The following PPP2R2B variants were observed in gnomAD, a reference collection of about 807,000 sequenced individuals.
PPP2R2B encodes the protein serine/threonine-protein phosphatase 2A 55 kDa regulatory subunit B beta isoform.
Under a neutral mutation model 46.0 loss-of-function variants are expected in PPP2R2B, and 5 were observed. The ratio of observed to expected loss-of-function variants is 0.11; its 90% confidence interval spans 0.06 to 0.23. The LOEUF (loss-of-function observed/expected upper bound fraction) is 0.23. Among genes scored for constraint, PPP2R2B ranks in the 10% least tolerant of loss-of-function variants. The pLI, the probability that PPP2R2B is intolerant of heterozygous loss-of-function variation, is 1.00. For missense variants in PPP2R2B, 367 were observed against 575.0 expected, an observed-to-expected ratio of 0.64 and a Z score of 3.70; for synonymous variants, 215 against 206.7, an observed-to-expected ratio of 1.04 and a Z score of -0.34.
intron 2 of PPP2R2B, among the ~76,000 whole-genome samples, chr5:146,854,677 C>A (rs543695028): frequency 6.6e-6 from 1 of 152,284 alleles, no homozygotes; most frequent in East Asian, 1.9e-4. Flanking sequence ...AACACAAGCA[C>A]GTGTGTATAG....
At chr5:146,743,459 A>G (rs986208008) in intron 2 of PPP2R2B, among the ~76,000 whole-genome samples, 1 of 152,222 alleles carries the variant, frequency 6.6e-6, no homozygotes, top group African/African-American at 2.4e-5. Flanking sequence ...CAAAAGAAGG[A>G]AAAGGTGAGG....
At chr5:146,714,960 T>C (rs1344034064) in intron 2 of PPP2R2B, among the ~76,000 whole-genome samples, 2 of 152,166 alleles carry the variant, frequency 1.3e-5, no homozygotes, top group African/African-American at 4.8e-5. Flanking sequence ...ACTATCTGCC[T>C]ACCAGGCAGA....
chr5:146,678,752 G>C lies in PPP2R2B; in HGVS notation c.447+12376C>G, dbSNP rs1197005287. On this transcript the variant is annotated intron_variant, in intron 5 of 9. Coordinates refer to ENST00000394411, the MANE Select transcript of PPP2R2B (RefSeq NM_181675.4). Reference sequence around the variant, plus strand: ...CAAGCATTCTTATACACCAACAACAGACAAACAGAGAGCCAAATCATGAGT... The same window carrying C: ...CAAGCATTCTTATACACCAACAACACACAAACAGAGAGCCAAATCATGAGT... 4.8e-5 allele frequency among the ~76,000 whole-genome samples: 7 copies of C among 144,612 alleles called. 1 individual carries two copies. In the South Asian group the frequency reaches 6.7e-4, roughly 14 times the overall value. 94.9% of individuals were successfully genotyped at this position (144,612 alleles called of 152,430 possible).
intron 1 of PPP2R2B, among the ~76,000 whole-genome samples, chr5:146,890,297 C>T (rs1762456042): frequency 6.6e-6 from 1 of 152,194 alleles, no homozygotes; most frequent in Admixed American, 6.5e-5. Flanking sequence ...GCAGGAGGAG[C>T]TGTATCAGTC....
chr5:147,041,231 G>A (rs1756279259), intron 1 of PPP2R2B, among the ~76,000 whole-genome samples: 1 of 152,156 alleles, frequency 6.6e-6, no homozygotes, highest in Admixed American at 6.5e-5. Context: ...AACTCTGGCT[G>A]TCTGACTCGA....
At chr5:146,641,265 A>C (rs1229258828) in intron 6 of PPP2R2B, among the ~76,000 whole-genome samples, 1 of 152,122 alleles carries the variant, frequency 6.6e-6, no homozygotes. Flanking sequence ...CTGGGATTTG[A>C]ACCCAAGCTT....
chr5:146,809,967 A>G (rs1757424827), intron 2 of PPP2R2B, among the ~76,000 whole-genome samples: 1 of 152,098 alleles, frequency 6.6e-6, no homozygotes, highest in African/African-American at 2.4e-5. Flanking sequence ...ACAAAAAAGG[A>G]CTTGCTAGCC....
chr5:146,712,628 TG>T lies in PPP2R2B; in HGVS notation c.71-11487del, dbSNP rs1436743550. On this transcript the variant is annotated intron_variant, in intron 2 of 9. Coordinates refer to ENST00000394411, the MANE Select transcript of PPP2R2B (RefSeq NM_181675.4). The stretch of plus-strand genomic sequence containing the variant: ...ATGTTAATAGGACATAAGGGTGATC[TG>T]GTTGCAACATCTGTCACCCCACTGA... Among the ~76,000 whole-genome samples, 3 of 152,330 alleles carry T rather than the reference TG, an allele frequency of 2.0e-5. No homozygotes were observed. In the East Asian group the frequency reaches 5.8e-4, roughly 29 times the overall value.
At chr5:147,041,383 A>G (rs1197848549) in intron 1 of PPP2R2B, among the ~76,000 whole-genome samples, 2 of 152,174 alleles carry the variant, frequency 1.3e-5, no homozygotes, top group African/African-American at 2.4e-5. Flanking sequence ...CCCTTCCTTC[A>G]GCATTCTGCA....
intron 1 of PPP2R2B, among the ~76,000 whole-genome samples, chr5:146,954,890 A>G (rs1023853943): frequency 1.3e-5 from 2 of 152,080 alleles, no homozygotes; most frequent in Admixed American, 6.6e-5. Context: ...AACCAGGTAC[A>G]ATCCCATAGT....
At chr5:146,688,662 T>G (rs758950669) in intron 5 of PPP2R2B, among the ~76,000 whole-genome samples, 2 of 152,094 alleles carry the variant, frequency 1.3e-5, no homozygotes, top group Non-Finnish European at 2.9e-5. Context: ...ATCACTGGCT[T>G]GGCATGGGGA....
At chr5:146,908,551 T>C (rs989958553) in intron 1 of PPP2R2B, among the ~76,000 whole-genome samples, 1 of 142,176 alleles carries the variant, frequency 7.0e-6, no homozygotes, top group African/African-American at 2.6e-5. Flanking sequence ...GGCATAGGGG[T>C]GTGTTAAACA....
At chr5:146,628,916 G>T (rs552592652) in intron 7 of PPP2R2B, among the ~76,000 whole-genome samples, 1 of 152,210 alleles carries the variant, frequency 6.6e-6, no homozygotes, top group African/African-American at 2.4e-5. Flanking sequence ...TACATGTGTT[G>T]GTTTTCTGCT....
At chr5:146,639,327 G>A (rs1031381048) in intron 6 of PPP2R2B, among the ~76,000 whole-genome samples, 2 of 151,862 alleles carry the variant, frequency 1.3e-5, no homozygotes, top group African/African-American at 4.8e-5. Flanking sequence ...TTATCATCTG[G>A]GTTTTTTTTT....
At chr5:147,077,052 T>C (rs1029954083) in intron 2 of PPP2R2B, among the ~76,000 whole-genome samples, 12 of 132,920 alleles carry the variant, frequency 9.0e-5, no homozygotes, top group African/African-American at 3.9e-4. Context: ...TGGCCTGATA[T>C]ATATATACAA....
intron 8 of PPP2R2B, among the ~76,000 whole-genome samples, chr5:146,594,640 T>A (rs1444179): frequency 0.61 from 92,945 of 152,022 alleles, 29,448 homozygotes; most frequent in Admixed American, 0.7. Context: ...CACAGAGATA[T>A]GACATCATTT....
At chr5:146,655,219 C>T (rs1010959127) in intron 5 of PPP2R2B, among the ~76,000 whole-genome samples, 1 of 152,140 alleles carries the variant, frequency 6.6e-6, no homozygotes, top group Non-Finnish European at 1.5e-5. Context: ...GCCTGGACAC[C>T]CAGTATTATA....
At chr5:147,024,222 T>C (rs955123773) in intron 1 of PPP2R2B, among the ~76,000 whole-genome samples, 1 of 151,954 alleles carries the variant, frequency 6.6e-6, no homozygotes, top group Admixed American at 6.6e-5. Flanking sequence ...GTTCTGTTTC[T>C]CTGGAGAACG....
At chr5:147,057,890 G>A (rs1427989841), upstream of PPP2R2B, among the ~76,000 whole-genome samples, 1 of 152,170 alleles carries the variant, frequency 6.6e-6, no homozygotes, top group Non-Finnish European at 1.5e-5. Flanking sequence ...AGTCTTAAAC[G>A]ACACTGTTGA....
Sources: gnomAD v4.1 joint callset for allele counts (sites outside exome capture counted in the v4.1 genomes callset) on GRCh38, gnomAD v4.1.1 for gene constraint, MANE v1.5 for transcripts, NCBI Gene and HGNC (gene_info 2026-07-23, HGNC 2026-07-21) for gene names.